TBPL2: variants seen among roughly 807,000 people sequenced by gnomAD.
TBPL2 encodes TATA-box binding protein like 2.
TBPL2 carries 40 observed loss-of-function variants against 38.2 expected under a neutral mutation model. That is an observed-to-expected ratio of 1.05 (90% CI 0.81 to 1.36). TBPL2 has a LOEUF of 1.36. Among genes scored for constraint, TBPL2 ranks in the 40% most tolerant of loss-of-function variants. The pLI is 0.00. For synonymous variants in TBPL2, 169 were observed against 171.7 expected (o/e 0.98, Z 0.12); for missense variants, 461 against 456.7 (o/e 1.01, Z -0.09).
intron 6 of TBPL2, among the ~76,000 whole-genome samples, chr14:55,417,900 A>C (rs1446218727): frequency 6.6e-6 from 1 of 152,238 alleles, no homozygotes; most frequent in East Asian, 1.9e-4. Context: ...CTTAAGTGCC[A>C]GCTCTACCTC....
At chr14:55,420,261 G>C (rs1450630692) in intron 6 of TBPL2, among the ~76,000 whole-genome samples, 2 of 152,210 alleles carry the variant, frequency 1.3e-5, no homozygotes, top group Non-Finnish European at 1.5e-5. Context: ...AGTAGAGACA[G>C]GGTCTTGCCA....
chr14:55,421,410 T>C (rs571516456), intron 6 of TBPL2, among the ~76,000 whole-genome samples: 18 of 152,330 alleles, frequency 1.2e-4, no homozygotes, highest in Admixed American at 1.1e-3. Context: ...TGAGGAATTG[T>C]AGTTTTGCTG....
intron 4 of TBPL2, among the ~76,000 whole-genome samples, chr14:55,432,282 G>A (rs1250956056): frequency 2.0e-5 from 3 of 150,458 alleles, no homozygotes; most frequent in African/African-American, 4.9e-5. Flanking sequence ...GCCTGGTGGT[G>A]CATACCTGTG....
At chr14:55,420,626 T>A (rs1272984241) in intron 6 of TBPL2, among the ~76,000 whole-genome samples, 1 of 152,206 alleles carries the variant, frequency 6.6e-6, no homozygotes, top group African/African-American at 2.4e-5. Context: ...AAAGTCCATG[T>A]CTTGCAAGAA....
intron 6 of TBPL2, among the ~76,000 whole-genome samples, chr14:55,418,240 T>G (rs1477828867): frequency 6.6e-6 from 1 of 152,184 alleles, no homozygotes; most frequent in Non-Finnish European, 1.5e-5. Flanking sequence ...TTCACCTTTG[T>G]CCCCAGCCCC....
intron 5 of TBPL2, among the ~76,000 whole-genome samples, chr14:55,425,817 T>A (rs985252393): frequency 3.3e-5 from 5 of 152,240 alleles, no homozygotes; most frequent in African/African-American, 1.2e-4. Flanking sequence ...ATTACTGTCA[T>A]TGACTTGTCC....
intron 5 of TBPL2, among the ~76,000 whole-genome samples, chr14:55,427,025 T>C (rs1172630007): frequency 6.6e-6 from 1 of 152,188 alleles, no homozygotes; most frequent in African/African-American, 2.4e-5. Context: ...CGGGCAGAGC[T>C]CTTGCAGATG....
exon 2 of TBPL2, chr14:55,436,976 C>T (rs769010525): frequency 2.5e-6 from 4 of 1,614,142 alleles, no homozygotes; most frequent in Non-Finnish European, 2.5e-6. Flanking sequence ...TCATAAGGTA[C>T]AACTGGGCTG....
chr14:55,433,852 C>T (rs1885973367), intron 3 of TBPL2, 131 bp from the exon 4 acceptor site: 1 of 694,234 alleles, frequency 1.4e-6, no homozygotes, highest in Non-Finnish European at 2.3e-6. Flanking sequence ...TCTTTTCTCC[C>T]TACATTAAGG....
intron 1 of TBPL2, among the ~76,000 whole-genome samples, chr14:55,438,094 C>T (rs575644899): frequency 7.9e-5 from 12 of 152,268 alleles, no homozygotes; most frequent in East Asian, 7.7e-4. Context: ...ACTCAAGTTA[C>T]GGGCCTGGAC....
At chr14:55,434,938 A>G (rs967953982) in intron 3 of TBPL2, among the ~76,000 whole-genome samples, 1 of 152,184 alleles carries the variant, frequency 6.6e-6, no homozygotes, top group African/African-American at 2.4e-5. Context: ...TTGTACTCCT[A>G]AGTACAGAGC....
At chr14:55,440,373 TG>T in intron 1 of TBPL2, 22 bp downstream of exon 1, 2 of 1,612,698 alleles carry the variant, frequency 1.2e-6, no homozygotes, top group Non-Finnish European at 1.7e-6. Flanking sequence ...GTCCTGACTC[TG>T]GGACAGTGGC....
Position 55,414,436 on chromosome 14 carries a change from C to T in TBPL2, c.1071G>A (p.Glu357=). The T allele has an allele frequency of 1.9e-6, 3 of 1,606,906 alleles. No homozygotes were observed. In the East Asian group the frequency reaches 6.7e-5, roughly 36 times the overall value. ...AGATGTTTTCAAATGCTTCATAGATCTCAGAACGTTCTTTGGCACCTATAA... is the reference window on the plus strand; with the variant it reads ...AGATGTTTTCAAATGCTTCATAGATTTCAGAACGTTCTTTGGCACCTATAA... The change falls in exon 7 of 7, where the codon GAG becomes GAA. Residue 357 remains glutamate (E), a synonymous_variant. Transcript: ENST00000247219.
chr14:55,429,040 A>G (rs1307506018), intron 4 of TBPL2, 66 bp from the exon 5 acceptor site: 1 of 1,568,730 alleles, frequency 6.4e-7, no homozygotes, highest in East Asian at 2.2e-5. Context: ...CTGGTGTTGT[A>G]TTGGATTGTT....
intron 3 of TBPL2, among the ~76,000 whole-genome samples, chr14:55,435,102 A>C (rs922210698): frequency 2.6e-5 from 4 of 152,224 alleles, no homozygotes; most frequent in Admixed American, 6.5e-5. Context: ...CCTGAATCTT[A>C]CATTAGTAAA....
At chr14:55,427,979 C>CA (rs34705830) in intron 5 of TBPL2, among the ~76,000 whole-genome samples, 59,666 of 148,014 alleles carry the variant, frequency 0.4, 13,992 homozygotes, top group East Asian at 0.59. Context: ...GGGTTCACGC[C>CA]ATTCTCCTGC....
At chr14:55,435,577 G>C (rs1886000078) in intron 3 of TBPL2, among the ~76,000 whole-genome samples, 1 of 152,022 alleles carries the variant, frequency 6.6e-6, no homozygotes, top group Non-Finnish European at 1.5e-5. Context: ...CCCAGCCTAA[G>C]TGAAAAATTA....
rs758589519 is a variant in TBPL2 at position 55,424,252 on chromosome 14, A to G, written c.958T>C (p.Tyr320His). The G allele has an allele frequency of 1.9e-6, 3 of 1,604,688 alleles. No homozygotes were observed. Among genetic ancestry groups the G allele is most frequent in the Non-Finnish European group, 1.7e-6 (2 of 1,172,414 alleles). Residue 320 changes from tyrosine (Y) to histidine (H), a missense_variant and splice_region_variant, in exon 6 of 7, where the codon TAC (tyrosine) becomes CAC (histidine). By Grantham distance (83) the Tyr-to-His change is moderately conservative. Coordinates refer to ENST00000247219, the Ensembl canonical transcript of TBPL2. ...AGACCAGGAAACAGTTCAGGCTCGT[A>G]ACTGTTAAGATGTAAAAGGAAAATG...
exon 5 of TBPL2, chr14:55,428,954 G>C (rs779449536): frequency 6.2e-7 from 1 of 1,614,126 alleles, no homozygotes; most frequent in Non-Finnish European, 8.5e-7. Flanking sequence ...TTTTCTTGCT[G>C]CAAGTCGAGA....
Sources: gnomAD v4.1 joint callset for allele counts (sites outside exome capture counted in the v4.1 genomes callset) on GRCh38, gnomAD v4.1.1 for gene constraint, MANE v1.5 for transcripts, NCBI Gene and HGNC (gene_info 2026-07-23, HGNC 2026-07-21) for gene names.